TRPM3: variants seen among roughly 807,000 people sequenced by gnomAD.
The protein encoded by TRPM3 is long transient receptor potential channel 3.
In TRPM3, 77 loss-of-function variants were observed where a neutral mutation model predicts 181.2. The observed-to-expected ratio is 0.42, with a 90% confidence interval of 0.35 to 0.51. The LOEUF (loss-of-function observed/expected upper bound fraction) is 0.51, where lower values mean the gene tolerates loss of function less well. Among genes scored for constraint, TRPM3 ranks in the 20% least tolerant of loss-of-function variants. TRPM3 has a pLI of 0.01. For synonymous variants in TRPM3, 745 were observed against 796.4 expected (o/e 0.94, Z 1.09); for missense variants, 1,759 against 2,196.7 (o/e 0.80, Z 3.98).
chr9:70,914,980 G>T (rs1055302579), intron 1 of TRPM3, among the ~76,000 whole-genome samples: 1 of 152,108 alleles, frequency 6.6e-6, no homozygotes, highest in Non-Finnish European at 1.5e-5. Context: ...TCCCAAAAAG[G>T]ATGGGTACAA....
At chr9:71,340,977 C>A (rs375226736) in intron 1 of TRPM3, among the ~76,000 whole-genome samples, 1 of 152,024 alleles carries the variant, frequency 6.6e-6, no homozygotes, top group African/African-American at 2.4e-5. Context: ...TTTGTCAAAA[C>A]GGCACAGAAG....
At chr9:70,749,731 G>A (rs1189848172) in intron 8 of TRPM3, among the ~76,000 whole-genome samples, 1 of 152,140 alleles carries the variant, frequency 6.6e-6, no homozygotes, top group Non-Finnish European at 1.5e-5. Flanking sequence ...TCATCCTGGA[G>A]AAGGCAACAA....
chr9:70,645,597 A>G (rs2058707761), intron 9 of TRPM3, among the ~76,000 whole-genome samples: 1 of 150,340 alleles, frequency 6.7e-6, no homozygotes, highest in Admixed American at 6.6e-5. Flanking sequence ...ACCTAAAACC[A>G]TAAAAACCCT....
At chr9:71,108,220 T>C (rs1314752149) in intron 1 of TRPM3, among the ~76,000 whole-genome samples, 1 of 152,224 alleles carries the variant, frequency 6.6e-6, no homozygotes, top group Admixed American at 6.5e-5. Context: ...TCTTGTTATA[T>C]ATTAGCAAAA....
intron 4 of TRPM3, among the ~76,000 whole-genome samples, chr9:70,843,731 C>A (rs894410111): frequency 6.6e-6 from 1 of 152,134 alleles, no homozygotes; most frequent in Non-Finnish European, 1.5e-5. Flanking sequence ...CCTTCCCCAT[C>A]ATAGTTAAGG....
At chr9:70,916,072 A>C (rs2096591383) in intron 1 of TRPM3, among the ~76,000 whole-genome samples, 1 of 152,224 alleles carries the variant, frequency 6.6e-6, no homozygotes, top group African/African-American at 2.4e-5. Flanking sequence ...CTTATAGGCC[A>C]GGAGAAAGTG....
intron 1 of TRPM3, among the ~76,000 whole-genome samples, chr9:70,925,585 T>C (rs933422922): frequency 6.6e-6 from 1 of 152,070 alleles, no homozygotes; most frequent in African/African-American, 2.4e-5. Flanking sequence ...GGAATATATA[T>C]ATATATCTCC....
In TRPM3 at chr9:70,841,653, T is replaced by TATAC. The variant is rs1554738980; in HGVS notation, c.801+1349_801+1350insGTAT. On this transcript the variant is annotated intron_variant, in intron 5 of 25. Transcript: ENST00000677713. ...ATATATATATATATATATATATATA[T>TATAC]ATATATATCCCACCATATATATGTA... 3.5e-5 allele frequency among the ~76,000 whole-genome samples: 4 copies of TATAC among 114,918 alleles called. No homozygotes were observed. In the East Asian group the frequency reaches 1.1e-3, roughly 32 times the overall value. The allele number at this position is 114,918 out of a possible 152,430, so 75.4% of individuals were successfully genotyped here. A position where few individuals can be genotyped will look rare whatever the true frequency, so the allele number is the denominator to read the frequency against.
In TRPM3 at chr9:70,549,680, G is replaced by GAA. The variant is rs76157078; in HGVS notation, c.3575-8_3575-7dup. Reference sequence around the variant, plus strand: ...ATCATCGGTTATGAAGAGTTCTGTGGAAAAAAAAAAAAAGGAAGTCTTGAG... The same window carrying GAA: ...ATCATCGGTTATGAAGAGTTCTGTGGAAAAAAAAAAAAAAAGGAAGTCTTGAG... On this transcript the variant is annotated splice_region_variant and splice_polypyrimidine_tract_variant and intron_variant, in intron 24 of 25. Coordinates refer to ENST00000677713, the MANE Select transcript of TRPM3 (RefSeq NM_001366145.2). 1,265 of 1,240,498 alleles carry GAA rather than the reference G, an allele frequency of 1.0e-3. No individual in the cohort carries two copies. The highest frequency in any genetic ancestry group is 3.6e-3 in the South Asian group (237 of 65,678). 76.8% of individuals were successfully genotyped at this position (1,240,498 alleles called of 1,614,324 possible). A position where few individuals can be genotyped will look rare whatever the true frequency, so the allele number is the denominator to read the frequency against.
At chr9:71,441,189 A>G (rs1419856734) in intron 1 of TRPM3, among the ~76,000 whole-genome samples, 2 of 152,200 alleles carry the variant, frequency 1.3e-5, no homozygotes, top group African/African-American at 4.8e-5. Context: ...ATTATTTCAG[A>G]AATGCTTCAA....
rs1246219196 is a variant in TRPM3 at position 71,011,782 on chromosome 9, G to GTTT, written c.177+109393_177+109395dup. 5.4e-5 allele frequency among the ~76,000 whole-genome samples: 5 copies of GTTT among 93,226 alleles called. 1 individual carries two copies. The highest frequency in any genetic ancestry group is 6.7e-5 in the Non-Finnish European group (3 of 44,472). The allele number at this position is 93,226 out of a possible 152,430, so 61.2% of individuals were successfully genotyped here. A position where few individuals can be genotyped will look rare whatever the true frequency, so the allele number is the denominator to read the frequency against. The stretch of plus-strand genomic sequence containing the variant: ...GAATTCATCCATGGTTTTTTTTTTT[G>GTTT]TTTTTTTGTTTTTTTTCAGACAGTA... On this transcript the variant is annotated intron_variant, in intron 1 of 25. Coordinates refer to ENST00000677713, the MANE Select transcript of TRPM3 (RefSeq NM_001366145.2).
intron 1 of TRPM3, among the ~76,000 whole-genome samples, chr9:71,150,895 A>T (rs1358498340): frequency 6.6e-6 from 1 of 152,192 alleles, no homozygotes; most frequent in Non-Finnish European, 1.5e-5. Context: ...TAAAAGATCA[A>T]TGGAACAGCA....
chr9:71,329,296 G>A (rs1347797867), intron 1 of TRPM3, among the ~76,000 whole-genome samples: 1 of 152,116 alleles, frequency 6.6e-6, no homozygotes, highest in Non-Finnish European at 1.5e-5. Context: ...AAATGAGTAG[G>A]TTTTATAATT....
At chr9:71,245,421 G>A (rs1253960645) in intron 1 of TRPM3, among the ~76,000 whole-genome samples, 1 of 144,378 alleles carries the variant, frequency 6.9e-6, no homozygotes, top group Non-Finnish European at 1.5e-5. Context: ...TCCAGTCTGG[G>A]TGAGAGAGCG....
At chr9:70,599,473 A>G (rs2059525163) in intron 20 of TRPM3, among the ~76,000 whole-genome samples, 1 of 152,212 alleles carries the variant, frequency 6.6e-6, no homozygotes, top group African/African-American at 2.4e-5. Context: ...GATGACTTCC[A>G]TTACAAATAG....
At chr9:71,281,587 C>T (rs1001024859) in intron 1 of TRPM3, among the ~76,000 whole-genome samples, 4 of 152,132 alleles carry the variant, frequency 2.6e-5, no homozygotes, top group African/African-American at 4.8e-5. Flanking sequence ...CTTTTCATTG[C>T]TGTCTACAGC....
intron 1 of TRPM3, among the ~76,000 whole-genome samples, chr9:70,894,515 T>C (rs1278538026): frequency 1.3e-5 from 2 of 152,204 alleles, no homozygotes; most frequent in Admixed American, 1.3e-4. Context: ...ATATTTCTAT[T>C]AAACACATGT....
At chr9:70,556,362 C>T (rs1227488707) in intron 22 of TRPM3, among the ~76,000 whole-genome samples, 1 of 151,926 alleles carries the variant, frequency 6.6e-6, no homozygotes, top group Admixed American at 6.6e-5. Context: ...CCTCCCCCAC[C>T]TTTTACTCAT....
intron 22 of TRPM3, among the ~76,000 whole-genome samples, chr9:70,575,651 G>A (rs1344154439): frequency 6.6e-6 from 1 of 152,058 alleles, no homozygotes; most frequent in African/African-American, 2.4e-5. Flanking sequence ...CTTTTTCTGG[G>A]CTGTGTTCTT....
Sources: gnomAD v4.1 joint callset for allele counts (sites outside exome capture counted in the v4.1 genomes callset) on GRCh38, gnomAD v4.1.1 for gene constraint, MANE v1.5 for transcripts, NCBI Gene and HGNC (gene_info 2026-07-23, HGNC 2026-07-21) for gene names.